The following TRNT1 variants were observed in gnomAD, a reference collection of about 807,000 sequenced individuals.
The protein encoded by TRNT1 is CCA tRNA nucleotidyltransferase 1, mitochondrial.
TRNT1 carries 44 observed loss-of-function variants against 45.6 expected under a neutral mutation model. The observed-to-expected ratio is 0.97, with a 90% CI of 0.76 to 1.24. TRNT1 has a LOEUF of 1.24. TRNT1 is among the 50% of genes most tolerant of loss of function. TRNT1 has a pLI of 0.00. For synonymous variants in TRNT1, 201 were observed against 171.4 expected, an observed-to-expected ratio of 1.17 and a Z score of -1.35; for missense variants, 633 against 504.4, an observed-to-expected ratio of 1.25 and a Z score of -2.44.
downstream of TRNT1, among the ~76,000 whole-genome samples, chr3:3,151,601 AT>A (rs1269940703): frequency 6.6e-6 from 1 of 152,144 alleles, no homozygotes; most frequent in African/African-American, 2.4e-5. Flanking sequence ...CTGTTTCCTT[AT>A]TTTTTTCCCT....
Position 3,148,406 on chromosome 3 carries a change from T to TTATC in TRNT1, c.*258_*261dup, listed in dbSNP as rs538956352. 3.4e-4 allele frequency: 131 copies of TTATC among 380,070 alleles called. No homozygotes were observed. Among genetic ancestry groups the TTATC allele is most frequent in the African/African-American group, 1.7e-3 (84 of 48,714 alleles). The allele number at this position is 380,070 out of a possible 1,614,324, so 23.5% of individuals were successfully genotyped here. ...TCACCTGAGAAAACATAGTTGGCTA[T>TTATC]TATCTATCTTAACCTGTTCAGGCTT... On this transcript the variant is annotated 3_prime_UTR_variant, in exon 8 of 8. Coordinates refer to ENST00000251607, the MANE Select transcript of TRNT1 (RefSeq NM_182916.3).
chr3:3,133,296 A>C (rs1430768970), intron 2 of TRNT1, among the ~76,000 whole-genome samples: 1 of 152,076 alleles, frequency 6.6e-6, no homozygotes, highest in Non-Finnish European at 1.5e-5. Flanking sequence ...TCATGCCTAT[A>C]ATCTCCCAGC....
chr3:3,152,929 G>A, downstream of TRNT1: 1 of 328,912 alleles, frequency 3.0e-6, no homozygotes, highest in Non-Finnish European at 5.7e-6. Context: ...GGTCCTGTGT[G>A]GTCATTTTGG....
chr3:3,145,757 AAAT>A (rs1419373106), intron 5 of TRNT1: 1 of 152,122 alleles, frequency 6.6e-6, no homozygotes, highest in Non-Finnish European at 1.5e-5. Flanking sequence ...TCTGTCTTAT[AAAT>A]AATAGAACAT....
intron 2 of TRNT1, chr3:3,136,644 CTTTCTT>C (rs1201033096): frequency 1.6e-5 from 7 of 424,394 alleles, no homozygotes; most frequent in African/African-American, 6.3e-5. Context: ...GTTTGATTTA[CTTTCTT>C]TTTTTTTCTT....
chr3:3,148,820 T>C lies in TRNT1; in HGVS notation c.*666T>C, dbSNP rs1213519239. 1 of 143,366 alleles carries C rather than the reference T, an allele frequency of 7.0e-6. No homozygotes were observed. Among genetic ancestry groups the C allele is most frequent in the Non-Finnish European group, 1.6e-5 (1 of 63,082 alleles). 8.9% of individuals were successfully genotyped at this position (143,366 alleles called of 1,614,324 possible). ...TATTGAGCCTATTAATTAATTATTG[T>C]TTTAATAAAACAAACATTGGTATTG... On this transcript the variant is annotated 3_prime_UTR_variant, in exon 8 of 8. Coordinates refer to ENST00000251607, the MANE Select transcript of TRNT1 (RefSeq NM_182916.3).
intron 2 of TRNT1, among the ~76,000 whole-genome samples, chr3:3,134,705 T>G (rs1002299331): frequency 6.6e-6 from 1 of 152,072 alleles, no homozygotes; most frequent in African/African-American, 2.4e-5. Flanking sequence ...TACTTACCAG[T>G]GAAGTCATTC....
chr3:3,145,061 C>T (rs755430652), intron 5 of TRNT1: 15 of 158,602 alleles, frequency 9.5e-5, no homozygotes, highest in East Asian at 5.6e-4. Flanking sequence ...GTGCATTAAA[C>T]GTGGTAATGA....
In TRNT1 at chr3:3,130,094, T is replaced by C. The variant is rs951211562; in HGVS notation, c.148+906T>C. 4 of 900,334 alleles carry C rather than the reference T, an allele frequency of 4.4e-6. No individual in the cohort carries two copies. The East Asian group carries it at 8.0e-5, about 18-fold the overall frequency. 55.8% of individuals were successfully genotyped at this position (900,334 alleles called of 1,614,324 possible). A position where few individuals can be genotyped will look rare whatever the true frequency, so the allele number is the denominator to read the frequency against. ...GATTCTCAATGTTGTCTGCTGATGTTGCTAAAGCAGCCACACAGTAGCATT... is the reference window on the plus strand; with the variant it reads ...GATTCTCAATGTTGTCTGCTGATGTCGCTAAAGCAGCCACACAGTAGCATT... On this transcript the variant is annotated intron_variant, in intron 2 of 7. Transcript: ENST00000251607.
At position 3,148,871 on chromosome 3, in the gene TRNT1, C is replaced by T. The variant is rs1434631272; in HGVS notation, c.*717C>T. On this transcript the variant is annotated 3_prime_UTR_variant, in exon 8 of 8. Transcript: ENST00000251607. ...GAAGATAAATATGTTTATGTGGTAT[C>T]TGACAATGTGTATTAGGTGTCATAT... 6.6e-6 allele frequency: 1 copy of T among 152,054 alleles called. No homozygotes were observed. Among genetic ancestry groups the T allele is most frequent in the African/African-American group, 2.4e-5 (1 of 41,416 alleles). The allele number at this position is 152,054 out of a possible 1,614,324, so 9.4% of individuals were successfully genotyped here.
At chr3:3,143,509 A>G (rs771689) in intron 4 of TRNT1, among the ~76,000 whole-genome samples, 140,183 of 152,280 alleles carry the variant, frequency 0.92, 65,634 homozygotes, top group East Asian at 1. Flanking sequence ...AGGACTGCCC[A>G]TTTAACCACA....
At chr3:3,144,049 TTGTG>T (rs1236475000) in intron 4 of TRNT1, among the ~76,000 whole-genome samples, 1 of 152,340 alleles carries the variant, frequency 6.6e-6, no homozygotes, top group East Asian at 1.9e-4. Context: ...ACTTATGACT[TTGTG>T]TGTGATAGTA....
In TRNT1 at chr3:3,147,718, G is replaced by A. The variant is rs1706141887; in HGVS notation, c.1056+15G>A. Reference sequence around the variant, plus strand: ...TCATTATAGATGTAAGTATATACTAGGCTTGGTCAGAAATATGAAGTATCG... The same window carrying A: ...TCATTATAGATGTAAGTATATACTAAGCTTGGTCAGAAATATGAAGTATCG... On this transcript the variant is annotated intron_variant, in intron 7 of 7. Coordinates refer to ENST00000251607, the MANE Select transcript of TRNT1 (RefSeq NM_182916.3). 6.3e-7 allele frequency: 1 copy of A among 1,584,278 alleles called. No individual in the cohort carries two copies. The highest frequency in any genetic ancestry group is 1.4e-5 in the African/African-American group (1 of 73,410).
intron 2 of TRNT1, chr3:3,131,477 T>C (rs1705014814): frequency 6.6e-6 from 1 of 151,812 alleles, no homozygotes; most frequent in Non-Finnish European, 1.5e-5. Flanking sequence ...TGGCTAGCCA[T>C]ATGTAGAAAG....
intron 2 of TRNT1, chr3:3,129,794 T>C (rs1262323568): frequency 2.2e-6 from 3 of 1,362,198 alleles, no homozygotes; most frequent in Non-Finnish European, 3.1e-6. Flanking sequence ...AGGAAACAGA[T>C]TGTTAGGCAT....
intron 3 of TRNT1, among the ~76,000 whole-genome samples, chr3:3,137,733 A>G (rs959892169): frequency 6.6e-6 from 1 of 152,082 alleles, no homozygotes; most frequent in African/African-American, 2.4e-5. Context: ...ATAAGGGAAG[A>G]TGATTTAGCT....
At chr3:3,150,133 A>G (rs1170891860), downstream of TRNT1, 1 of 152,124 alleles carries the variant, frequency 6.6e-6, no homozygotes, top group African/African-American at 2.4e-5. Context: ...TCCCTATAGT[A>G]GTAGTTTTGG....
In TRNT1 at chr3:3,128,613, A is replaced by AAAG. The variant is rs1236624080; in HGVS notation, c.-27-399_-27-398insGAA. On this transcript the variant is annotated intron_variant, in intron 1 of 7. Coordinates refer to ENST00000251607, the MANE Select transcript of TRNT1 (RefSeq NM_182916.3). ...GACTCCATCTCAAAAAAAAAAAAAAAAAAAAAAAGAATTCCTTTGTTATTT... is the reference window on the plus strand; with the variant it reads ...GACTCCATCTCAAAAAAAAAAAAAAAAAGAAAAAAAAGAATTCCTTTGTTATTT... 8.9e-4 allele frequency among the ~76,000 whole-genome samples: 118 copies of AAAG among 132,816 alleles called. No individual in the cohort carries two copies. In the East Asian group the frequency reaches 0.021, roughly 23 times the overall value. 87.1% of individuals were successfully genotyped at this position (132,816 alleles called of 152,430 possible). A position where few individuals can be genotyped will look rare whatever the true frequency, so the allele number is the denominator to read the frequency against.
At chr3:3,135,145 A>C (rs373702223) in intron 2 of TRNT1, among the ~76,000 whole-genome samples, 14 of 152,188 alleles carry the variant, frequency 9.2e-5, no homozygotes, top group East Asian at 7.7e-4. Flanking sequence ...TGAATGTCTT[A>C]GTGTGGGTTA....
Sources: gnomAD v4.1 joint callset for allele counts (sites outside exome capture counted in the v4.1 genomes callset) on GRCh38, gnomAD v4.1.1 for gene constraint, MANE v1.5 for transcripts, NCBI Gene and HGNC (gene_info 2026-07-23, HGNC 2026-07-21) for gene names.